Variants in LRP1B observed in about 807,000 individuals in gnomAD.
LRP1B encodes low-density lipoprotein receptor-related protein 1B.
In LRP1B, 217 loss-of-function variants were observed where a neutral mutation model predicts 556.6. The observed-to-expected ratio is 0.39, with a 90% confidence interval of 0.35 to 0.44. The LOEUF (loss-of-function observed/expected upper bound fraction) is 0.44. LRP1B is among the 20% of genes least tolerant of loss of function. The pLI, the probability that LRP1B is intolerant of heterozygous loss-of-function variation, is 1.00. For missense variants in LRP1B, 5,053 were observed against 5,620.8 expected, an observed-to-expected ratio of 0.90 and a Z score of 3.23; for synonymous variants, 2,047 against 1,865.8, an observed-to-expected ratio of 1.10 and a Z score of -2.50.
At chr2:140,645,528 A>AT (rs1684448005) in intron 41 of LRP1B, among the ~76,000 whole-genome samples, 1 of 139,900 alleles carries the variant, frequency 7.1e-6, no homozygotes, top group African/African-American at 2.8e-5. Flanking sequence ...CCCTTTGCCA[A>AT]TATTCTTTTT....
At chr2:142,019,298 A>G (rs1226288372) in intron 1 of LRP1B, among the ~76,000 whole-genome samples, 1 of 152,200 alleles carries the variant, frequency 6.6e-6, no homozygotes, top group East Asian at 1.9e-4. Flanking sequence ...ACGTTAGTTC[A>G]GTAGTTTAGT....
At chr2:141,337,122 T>G (rs1177161826) in intron 3 of LRP1B, among the ~76,000 whole-genome samples, 1 of 152,190 alleles carries the variant, frequency 6.6e-6, no homozygotes. Context: ...TGCCAAACTG[T>G]TTTCCAGAGT....
In LRP1B at chr2:141,601,103, T is replaced by C. The variant is rs945263441; in HGVS notation, c.206-120570A>G. ...AAAGTACTACAATGTTGTCCCCATT[T>C]TCTGGCTCAACATTGATCAGCTTCA... On this transcript the variant is annotated intron_variant, in intron 2 of 90. Transcript: ENST00000389484. Among the ~76,000 whole-genome samples, 6 of 152,302 alleles carry C rather than the reference T, an allele frequency of 3.9e-5. No individual in the cohort carries two copies. In the East Asian group the frequency reaches 1.2e-3, roughly 29 times the overall value.
intron 31 of LRP1B, among the ~76,000 whole-genome samples, chr2:140,817,683 T>G (rs1691172689): frequency 1.3e-5 from 2 of 152,214 alleles, no homozygotes; most frequent in South Asian, 4.1e-4. Context: ...GTTTTAAGTG[T>G]TGTTACAATT....
chr2:140,779,992 T>C (rs1350945570), intron 32 of LRP1B, among the ~76,000 whole-genome samples: 2 of 151,164 alleles, frequency 1.3e-5, no homozygotes, highest in Admixed American at 6.6e-5. Flanking sequence ...GCTGTCTATA[T>C]TGGATCATGA....
intron 2 of LRP1B, among the ~76,000 whole-genome samples, chr2:141,524,698 T>G (rs941986920): frequency 8.6e-5 from 13 of 152,030 alleles, no homozygotes; most frequent in Middle Eastern, 3.2e-3. Flanking sequence ...ACCATTAAAT[T>G]ACTTTCTATG....
intron 1 of LRP1B, among the ~76,000 whole-genome samples, chr2:142,109,638 A>C (rs1344628974): frequency 6.6e-6 from 1 of 152,178 alleles, no homozygotes; most frequent in Non-Finnish European, 1.5e-5. Context: ...AGAAATAAAG[A>C]ATTTTCAAAT....
intron 2 of LRP1B, among the ~76,000 whole-genome samples, chr2:141,769,108 C>A (rs1447658344): frequency 6.6e-6 from 1 of 151,988 alleles, no homozygotes; most frequent in African/African-American, 2.4e-5. Context: ...GATGAGATTC[C>A]AAACCCAGAG....
chr2:141,208,768 C>T (rs1682400831), intron 6 of LRP1B, among the ~76,000 whole-genome samples: 1 of 151,158 alleles, frequency 6.6e-6, no homozygotes, highest in Non-Finnish European at 1.5e-5. Context: ...ACTGGGGAGG[C>T]TGAGGCAGGA....
chr2:140,887,053 C>T (rs1357051916), intron 23 of LRP1B, among the ~76,000 whole-genome samples: 2 of 152,048 alleles, frequency 1.3e-5, no homozygotes, highest in Non-Finnish European at 2.9e-5. Flanking sequence ...ATGTATCAAC[C>T]CTAAACTAAT....
At chr2:141,193,921 A>C (rs985532512) in intron 6 of LRP1B, among the ~76,000 whole-genome samples, 1 of 152,080 alleles carries the variant, frequency 6.6e-6, no homozygotes, top group Non-Finnish European at 1.5e-5. Context: ...AATATTGCTT[A>C]GGTCCCCTTC....
intron 3 of LRP1B, among the ~76,000 whole-genome samples, chr2:141,289,673 T>TA (rs1685867810): frequency 6.6e-6 from 1 of 152,098 alleles, no homozygotes; most frequent in Admixed American, 6.6e-5. Context: ...TACATGTACA[T>TA]AGTGCATTTG....
chr2:140,302,779 T>C (rs1683888830), intron 83 of LRP1B, among the ~76,000 whole-genome samples: 1 of 152,002 alleles, frequency 6.6e-6, no homozygotes, highest in Non-Finnish European at 1.5e-5. Context: ...TCCTGGTTCT[T>C]GAGCATTCAG....
chr2:141,114,051 T>C (rs943216213), intron 7 of LRP1B, among the ~76,000 whole-genome samples: 16 of 152,232 alleles, frequency 1.1e-4, no homozygotes, highest in African/African-American at 3.1e-4. Context: ...TCACGAATTA[T>C]GGTGAAGCAG....
chr2:141,671,582 T>G (rs1032708743), intron 2 of LRP1B, among the ~76,000 whole-genome samples: 5 of 152,074 alleles, frequency 3.3e-5, no homozygotes, highest in Non-Finnish European at 5.9e-5. Context: ...AGTGTGAGAG[T>G]TGGAGAAAGG....
At chr2:141,896,743 T>A (rs1699464210) in intron 1 of LRP1B, among the ~76,000 whole-genome samples, 3 of 152,206 alleles carry the variant, frequency 2.0e-5, no homozygotes, top group Admixed American at 2.0e-4. Flanking sequence ...ATTATCATAG[T>A]GAATTTTTAA....
intron 72 of LRP1B, among the ~76,000 whole-genome samples, chr2:140,363,485 G>A (rs751780001): frequency 1.4e-4 from 21 of 151,402 alleles, no homozygotes; most frequent in Non-Finnish European, 3.0e-4. Context: ...TCACATAATT[G>A]ATAAAAATAA....
intron 2 of LRP1B, among the ~76,000 whole-genome samples, chr2:141,707,687 CT>C (rs1438706706): frequency 1.3e-5 from 2 of 152,152 alleles, no homozygotes; most frequent in Non-Finnish European, 2.9e-5. Context: ...TTGTTATATC[CT>C]GCAGAGGCAG....
intron 1 of LRP1B, among the ~76,000 whole-genome samples, chr2:141,866,676 T>G (rs2105794578): frequency 6.6e-6 from 1 of 151,918 alleles, no homozygotes; most frequent in Non-Finnish European, 1.5e-5. Flanking sequence ...TTTTAGAACC[T>G]AACACAGCTC....
Sources: gnomAD v4.1 joint callset for allele counts (sites outside exome capture counted in the v4.1 genomes callset) on GRCh38, gnomAD v4.1.1 for gene constraint, MANE v1.5 for transcripts, NCBI Gene and HGNC (gene_info 2026-07-23, HGNC 2026-07-21) for gene names.